Variants in ZNFX1 observed in about 807,000 individuals in gnomAD.
The protein encoded by ZNFX1 is zinc finger NFX1-type containing 1, also known as NFX1-type zinc finger-containing protein 1.
In ZNFX1, 78 loss-of-function variants were observed where a neutral mutation model predicts 179.8. The ratio of observed to expected loss-of-function variants is 0.43; its 90% CI spans 0.36 to 0.52. The LOEUF is 0.52. ZNFX1 is among the 20% of genes least tolerant of loss of function. The pLI is 0.00. For missense variants in ZNFX1, 1,927 were observed against 2,386.6 expected, an observed-to-expected ratio of 0.81 and a Z score of 4.01; for synonymous variants, 848 against 868.5, an observed-to-expected ratio of 0.98 and a Z score of 0.42.
At chr20:49,263,222 TG>T in intron 6 of ZNFX1, 111 bp downstream of exon 6, 1 of 1,326,824 alleles carries the variant, frequency 7.5e-7, no homozygotes, top group Non-Finnish European at 1.0e-6. Context: ...TTACACATTG[TG>T]GCAGCATCAG....
intron 2 of ZNFX1, among the ~76,000 whole-genome samples, chr20:49,274,707 C>T (rs934168001): frequency 6.0e-5 from 9 of 149,668 alleles, no homozygotes; most frequent in East Asian, 2.0e-4. Context: ...TGCAGTGAAC[C>T]GAGATCGCAC....
intron 3 of ZNFX1, among the ~76,000 whole-genome samples, chr20:49,267,648 C>A (rs8117111): frequency 0.19 from 28,991 of 151,940 alleles, 2,821 homozygotes; most frequent in Non-Finnish European, 0.22. Flanking sequence ...ATAGTTATGA[C>A]CCCAGAGTAG....
chr20:49,265,989 G>A (rs536628868), intron 4 of ZNFX1, 146 bp downstream of exon 4: 1 of 813,918 alleles, frequency 1.2e-6, no homozygotes, highest in South Asian at 1.9e-5. Flanking sequence ...GTGGTTCACA[G>A]TCCAGCTGGG....
In ZNFX1 at chr20:49,249,646, T is replaced by C; in HGVS notation, c.3378A>G (p.Lys1126=). Residue 1126 remains lysine (K), a synonymous_variant, in exon 14 of 14, where the codon AAA becomes AAG. Transcript: ENST00000396105. ...NFPEQEIQEG[K]SHQNQHEAHF... is the part of the protein sequence containing the mutation. ...GAGCCTCATGCTGGTTCTGATGGCT[T>C]TTGCCCTCTTGGATTTCCTGTTCAG... The C allele has an allele frequency of 2.5e-6, 4 of 1,614,188 alleles. No individual in the cohort carries two copies. Among genetic ancestry groups the C allele is most frequent in the Non-Finnish European group, 3.4e-6 (4 of 1,180,018 alleles).
intron 2 of ZNFX1, among the ~76,000 whole-genome samples, chr20:49,272,723 A>G (rs1352209925): frequency 6.6e-6 from 1 of 152,206 alleles, no homozygotes; most frequent in Non-Finnish European, 1.5e-5. Context: ...TGCAGTTTGA[A>G]TGGGAAAGAG....
intron 10 of ZNFX1, among the ~76,000 whole-genome samples, chr20:49,254,037 T>C (rs925143678): frequency 2.4e-5 from 3 of 125,608 alleles, no homozygotes; most frequent in Admixed American, 7.3e-5. Flanking sequence ...TTCTTTTTTT[T>C]TTTTTCTTTG....
rs1453496467 is a variant in ZNFX1 at position 49,253,709 on chromosome 20, C to T, written c.3062G>A (p.Ser1021Asn). 2 of 1,614,194 alleles carry T rather than the reference C, an allele frequency of 1.2e-6. No homozygotes were observed. Residue 1021 changes from serine (S) to asparagine (N), a missense_variant, in exon 11 of 14, where the codon AGC (serine) becomes AAC (asparagine). Physicochemically the swap from Ser to Asn is conservative, Grantham distance 46. Transcript: ENST00000396105. ...CAAAATGAGGTGCTGGCAAGCTTTG[C>T]TCAATGTGGCAATGGTATGGGCCTC... is the stretch of plus-strand genomic sequence containing the variant. ...VLEAHTIATL[S>N]KACQHLILIG...
chr20:49,249,333 T>C lies in ZNFX1; in HGVS notation c.3691A>G (p.Ile1231Val), dbSNP rs1980774747. The C allele has an allele frequency of 3.7e-6, 6 of 1,614,154 alleles. No individual in the cohort carries two copies. The highest frequency in any genetic ancestry group is 1.1e-5 in the South Asian group (1 of 91,090). Residue 1231 changes from isoleucine (I) to valine (V), a missense_variant, in exon 14 of 14, where the codon ATC (isoleucine) becomes GTC (valine). Transcript: ENST00000396105. ...TTGGCCAGCATCTGCATGTTTCCGA[T>C]GCAGTACATTCCCTTCTTGGCTCGG... ...LSRAKKGMYC[I>V]GNMQMLAKVP...
rs1211219476 is a variant in ZNFX1 at position 49,264,878 on chromosome 20, TG to T, written c.2003-15del. 1 of 1,614,152 alleles carries T rather than the reference TG, an allele frequency of 6.2e-7. No individual in the cohort carries two copies. Among genetic ancestry groups the T allele is most frequent in the Non-Finnish European group, 8.5e-7 (1 of 1,180,024 alleles). Reference sequence around the variant, plus strand: ...AATTGTAGATGCCTGTGGAACAAAGTGGAGCATGGCAGGGTTGAGAGGAGCT... The same window carrying T: ...AATTGTAGATGCCTGTGGAACAAAGTGAGCATGGCAGGGTTGAGAGGAGCT... On this transcript the variant is annotated splice_polypyrimidine_tract_variant and intron_variant, in intron 4 of 13. Transcript: ENST00000396105.
At chr20:49,268,066 A>G (rs1293382865) in intron 3 of ZNFX1, among the ~76,000 whole-genome samples, 5 of 151,862 alleles carry the variant, frequency 3.3e-5, no homozygotes, top group Non-Finnish European at 7.4e-5. Flanking sequence ...TAGTAGAGAC[A>G]GGGTTTCGTC....
At chr20:49,261,623 T>C (rs1219028795) in intron 6 of ZNFX1, among the ~76,000 whole-genome samples, 2 of 150,688 alleles carry the variant, frequency 1.3e-5, no homozygotes, top group Admixed American at 6.6e-5. Context: ...ATCTAGGTGA[T>C]GTACAACAAA....
intron 2 of ZNFX1, among the ~76,000 whole-genome samples, chr20:49,275,403 C>T (rs1038190963): frequency 2.6e-5 from 4 of 152,052 alleles, no homozygotes. Context: ...GATCACAGTC[C>T]AGAGCAACCT....
At chr20:49,266,669 C>A (rs1332506398) in intron 3 of ZNFX1, among the ~76,000 whole-genome samples, 1 of 99,490 alleles carries the variant, frequency 1.0e-5, no homozygotes, top group Non-Finnish European at 2.2e-5. Context: ...ATCCCCCCCA[C>A]CCCCCCCTTT....
At position 49,254,595 on chromosome 20, in the gene ZNFX1, T is replaced by C; in HGVS notation, c.2859A>G (p.Glu953=). The change falls in exon 10 of 14, where the codon GAA becomes GAG. Residue 953 remains glutamate (E), a synonymous_variant. Transcript: ENST00000396105. ...ADTRRKILSY[E]RQYRTSAERM... is the part of the protein sequence containing the mutation. ...TTTCTGCTGATGTGCGGTACTGGCG[T>C]TCATAGCTGAGGATCTTCCGGCGGG... The C allele has an allele frequency of 5.0e-6, 8 of 1,614,168 alleles. No homozygotes were observed. The highest frequency in any genetic ancestry group is 6.8e-6 in the Non-Finnish European group (8 of 1,180,032).
rs573871179 is a variant in ZNFX1 at position 49,270,248 on chromosome 20, G to A, written c.1564C>T (p.Leu522Phe). 2.6e-5 allele frequency: 42 copies of A among 1,614,060 alleles called. No individual in the cohort carries two copies. The Admixed American group carries it at 6.5e-4, about 25-fold the overall frequency. ...FEAYRHVLEG[L>F]QEVQEEDVPF... ...ACATCTTCCTCCTGGACCTCCTGGAGTCCTTCCAGGACGTGCCTGTAGGCC... is the reference window on the plus strand; with the variant it reads ...ACATCTTCCTCCTGGACCTCCTGGAATCCTTCCAGGACGTGCCTGTAGGCC... Residue 522 changes from leucine to phenylalanine, a missense_variant, in exon 3 of 14, where the codon CTC becomes TTC. Coordinates refer to ENST00000396105, the MANE Select transcript of ZNFX1 (RefSeq NM_021035.3). This position sits in a 1 kb window ranked among gnomAD's most constrained non-coding sequence, Gnocchi z 4.6.
Position 49,266,238 on chromosome 20 carries a change from A to G in ZNFX1, c.1899T>C (p.Val633=), listed in dbSNP as rs765617934. ...CAGACTCGTTGGTTAGGAGGGCCTG[A>G]ACAATTTTTAGACCCACATAGGTTT... ...TGKTYVGLKI[V]QALLTNESVW... Residue 633 remains valine (V), a synonymous_variant, in exon 4 of 14, where the codon GTT becomes GTC. Transcript: ENST00000396105. 1 of 1,611,204 alleles carries G rather than the reference A, an allele frequency of 6.2e-7. No homozygotes were observed. The highest frequency in any genetic ancestry group is 1.3e-5 in the African/African-American group (1 of 74,770).
chr20:49,256,381 T>TG (rs1980971590), intron 8 of ZNFX1, among the ~76,000 whole-genome samples: 1 of 152,246 alleles, frequency 6.6e-6, no homozygotes, highest in African/African-American at 2.4e-5. Flanking sequence ...ATGAAAGTCA[T>TG]GGGGGTGGTA....
intron 5 of ZNFX1, among the ~76,000 whole-genome samples, chr20:49,264,109 C>A (rs2146737180): frequency 6.6e-6 from 1 of 152,298 alleles, no homozygotes; most frequent in South Asian, 2.1e-4. Flanking sequence ...GTAATCCCAG[C>A]TACTCAGGAG....
chr20:49,269,448 A>G (rs889174946), intron 3 of ZNFX1, among the ~76,000 whole-genome samples: 3 of 152,150 alleles, frequency 2.0e-5, no homozygotes, highest in Non-Finnish European at 2.9e-5. Context: ...TTGGGAGGCC[A>G]AGGCAGGTGG....
Sources: gnomAD v4.1 joint callset for allele counts (sites outside exome capture counted in the v4.1 genomes callset) on GRCh38, gnomAD v4.1.1 for gene constraint, Gnocchi (gnomAD v3.1) non-coding constraint, MANE v1.5 for transcripts, NCBI Gene and HGNC (gene_info 2026-07-23, HGNC 2026-07-21) for gene names.